Variants in ZDHHC13 observed in about 807,000 individuals in gnomAD.
ZDHHC13 encodes the protein zDHHC palmitoyltransferase 13, also known as palmitoyltransferase ZDHHC13.
In ZDHHC13, 85 loss-of-function variants were observed where a neutral mutation model predicts 86.0. The observed-to-expected ratio is 0.99, with a 90% CI of 0.83 to 1.18. The LOEUF is 1.18. Among genes scored for constraint, ZDHHC13 ranks in the 50% most tolerant of loss-of-function variants. The probability of loss-of-function intolerance (pLI) is 0.00; values close to 1 mark genes in which losing one functional copy is unlikely to be tolerated. For missense variants in ZDHHC13, 711 were observed against 730.2 expected, an observed-to-expected ratio of 0.97 and a Z score of 0.30; for synonymous variants, 263 against 246.4, an observed-to-expected ratio of 1.07 and a Z score of -0.63.
At chr11:19,132,506 T>C (rs1849023808) in intron 1 of ZDHHC13, among the ~76,000 whole-genome samples, 1 of 152,222 alleles carries the variant, frequency 6.6e-6, no homozygotes, top group South Asian at 2.1e-4. Context: ...CTGTATACAT[T>C]ACTTGTCCTA....
rs771478752 is a variant in ZDHHC13, at chr11:19,172,763, T to A, written c.1673T>A (p.Leu558Gln). 9 of 1,606,356 alleles carry A rather than the reference T, an allele frequency of 5.6e-6. No individual in the cohort carries two copies. Among genetic ancestry groups the A allele is most frequent in the Non-Finnish European group, 7.7e-6 (9 of 1,176,332 alleles). ...LGLTSHERIS[L>Q]QKQSKHMKQT... The stretch of plus-strand genomic sequence containing the variant: ...CTGACCTCCCATGAGAGAATCAGCC[T>A]GCAGAAGCAGAGCAAGCATATGAAA... The change falls in exon 16 of 17, where the codon CTG (leucine) becomes CAG (glutamine). Residue 558 changes from leucine (L) to glutamine (Q), a missense_variant. Leu to Gln is a moderately radical substitution (Grantham distance 113). Transcript: ENST00000446113.
At chr11:19,142,945 C>T in intron 1 of ZDHHC13, 33 bp from the exon 2 acceptor site, 1 of 1,567,004 alleles carries the variant, frequency 6.4e-7, no homozygotes, top group African/African-American at 1.4e-5. Context: ...CATTAATTCT[C>T]TCATGCTTTG....
At chr11:19,128,064 T>A (rs1038549183) in intron 1 of ZDHHC13, among the ~76,000 whole-genome samples, 1 of 152,232 alleles carries the variant, frequency 6.6e-6, no homozygotes, top group Non-Finnish European at 1.5e-5. Flanking sequence ...TTCATGATAT[T>A]GATTCTTCCT....
intron 1 of ZDHHC13, among the ~76,000 whole-genome samples, chr11:19,123,877 G>A (rs958642845): frequency 2.6e-5 from 4 of 152,126 alleles, no homozygotes; most frequent in African/African-American, 9.7e-5. Flanking sequence ...AAAGTGTCAA[G>A]GTTGTAAAAA....
chr11:19,125,486 G>A (rs1462499908), intron 1 of ZDHHC13, among the ~76,000 whole-genome samples: 1 of 152,162 alleles, frequency 6.6e-6, no homozygotes, highest in Non-Finnish European at 1.5e-5. Flanking sequence ...CAGAACAATT[G>A]TAACTCTCAT....
At chr11:19,167,234 C>T (rs1245540240) in intron 14 of ZDHHC13, 1 of 152,140 alleles carries the variant, frequency 6.6e-6, no homozygotes, top group Non-Finnish European at 1.5e-5. Flanking sequence ...TTGTTACATT[C>T]TTGGTCAAAT....
intron 1 of ZDHHC13, among the ~76,000 whole-genome samples, chr11:19,142,124 G>A (rs1413505307): frequency 6.6e-6 from 1 of 152,120 alleles, no homozygotes; most frequent in Non-Finnish European, 1.5e-5. Flanking sequence ...TCTCACAGTT[G>A]ACATCAAGGC....
chr11:19,156,057 C>G, intron 9 of ZDHHC13, 128 bp downstream of exon 9: 6 of 1,177,434 alleles, frequency 5.1e-6, no homozygotes, highest in Non-Finnish European at 6.8e-6. Flanking sequence ...TAACAGCATC[C>G]TGCGGGTGGA....
At chr11:19,121,443 C>T (rs1305827852) in intron 1 of ZDHHC13, among the ~76,000 whole-genome samples, 1 of 152,190 alleles carries the variant, frequency 6.6e-6, no homozygotes, top group African/African-American at 2.4e-5. Context: ...GCTGTGTCTA[C>T]AATAGTGCCC....
intron 1 of ZDHHC13, among the ~76,000 whole-genome samples, chr11:19,125,932 G>A (rs7950788): frequency 0.63 from 95,161 of 151,884 alleles, 31,330 homozygotes; most frequent in Admixed American, 0.75. Flanking sequence ...TTGGGGTTAC[G>A]GGAGGGTATG....
chr11:19,140,609 A>T (rs1258825582), intron 1 of ZDHHC13, among the ~76,000 whole-genome samples: 1 of 152,130 alleles, frequency 6.6e-6, no homozygotes, highest in Non-Finnish European at 1.5e-5. Context: ...ATAAAGACAC[A>T]TGCACACGTA....
At position 19,117,292 on chromosome 11, in the gene ZDHHC13, C is replaced by G; in HGVS notation, c.27+16C>G. 2 of 1,466,062 alleles carry G rather than the reference C, an allele frequency of 1.4e-6. No homozygotes were observed. Among genetic ancestry groups the G allele is most frequent in the African/African-American group, 1.5e-5 (1 of 68,952 alleles). The allele number at this position is 1,466,062 out of a possible 1,614,324, so 90.8% of individuals were successfully genotyped here. A position where few individuals can be genotyped will look rare whatever the true frequency, so the allele number is the denominator to read the frequency against. On this transcript the variant is annotated intron_variant, in intron 1 of 16. Transcript: ENST00000446113. This position sits in a 1 kb window ranked among gnomAD's most constrained non-coding sequence, Gnocchi z 4.2. The stretch of plus-strand genomic sequence containing the variant: ...GGGCTCGCAGGTGAGTGCGGCCGGG[C>G]GGTGGCTGTCCTGGGGGCCGGGAGA...
chr11:19,132,113 G>C (rs181580698), intron 1 of ZDHHC13, among the ~76,000 whole-genome samples: 1 of 152,016 alleles, frequency 6.6e-6, no homozygotes, highest in Non-Finnish European at 1.5e-5. Context: ...CATTTTTCTT[G>C]CTTCTTGGCA....
At chr11:19,158,898 A>G (rs1216458852) in intron 9 of ZDHHC13, 42 bp from the exon 10 acceptor site, 1 of 1,319,630 alleles carries the variant, frequency 7.6e-7, no homozygotes, top group South Asian at 1.5e-5. Flanking sequence ...TAAAATTAAT[A>G]CAAGTCATAC....
chr11:19,162,495 G>A lies in ZDHHC13; in HGVS notation c.1109-808G>A, dbSNP rs191423586. ...AGGTTTTAATCGCAGTTAAGACTTG[G>A]ATACCCTAAAAGTGTGGTTTTAGAA... On this transcript the variant is annotated intron_variant, in intron 10 of 16. Coordinates refer to ENST00000446113, the MANE Select transcript of ZDHHC13 (RefSeq NM_019028.3). Among the ~76,000 whole-genome samples, 1,225 of 152,176 alleles carry A rather than the reference G, an allele frequency of 8.0e-3. 5 individuals carry two copies. The highest frequency in any genetic ancestry group is 0.012 in the Non-Finnish European group (819 of 67,996).
intron 9 of ZDHHC13, among the ~76,000 whole-genome samples, chr11:19,158,668 G>T (rs1849824210): frequency 1.3e-5 from 2 of 152,094 alleles, no homozygotes; most frequent in Admixed American, 6.6e-5. Context: ...TTAAATCGTT[G>T]TGAATTAAAT....
intron 6 of ZDHHC13, 88 bp from the exon 7 acceptor site, chr11:19,152,070 C>T: frequency 7.3e-7 from 1 of 1,376,334 alleles, no homozygotes; most frequent in Non-Finnish European, 9.9e-7. Context: ...TAATTGATGG[C>T]ATTATCTTAA....
chr11:19,173,974 C>T (rs1041373695), intron 16 of ZDHHC13, among the ~76,000 whole-genome samples: 3 of 152,116 alleles, frequency 2.0e-5, no homozygotes, highest in African/African-American at 7.2e-5. Flanking sequence ...ACCTGAGTCC[C>T]GCCCAAACCA....
chr11:19,121,251 A>G (rs1332226295), intron 1 of ZDHHC13, among the ~76,000 whole-genome samples: 1 of 152,212 alleles, frequency 6.6e-6, no homozygotes, highest in Non-Finnish European at 1.5e-5. Flanking sequence ...CAGGTGGTCC[A>G]GTCATGATAC....
Sources: allele counts gnomAD v4.1 joint callset (sites outside exome capture counted in the v4.1 genomes callset), GRCh38; gene constraint gnomAD v4.1.1; non-coding constraint Gnocchi (gnomAD v3.1); transcripts MANE v1.5; gene names NCBI Gene and HGNC (gene_info 2026-07-23, HGNC 2026-07-21).